The following CUL4A variants were observed in gnomAD, a reference collection of about 807,000 sequenced individuals.
CUL4A encodes cullin-4A.
A neutral mutation model predicts 95.5 loss-of-function variants in CUL4A; 16 were observed. That is an observed-to-expected ratio of 0.17 (90% CI 0.11 to 0.25). The LOEUF (loss-of-function observed/expected upper bound fraction) is 0.25. CUL4A is among the 10% of genes least tolerant of loss of function. CUL4A has a pLI of 1.00. For missense variants in CUL4A, 610 were observed against 937.0 expected (o/e 0.65, Z 4.56); for synonymous variants, 380 against 353.1 (o/e 1.08, Z -0.85).
In CUL4A at chr13:113,230,807, GT is replaced by G. The variant is rs767392875; in HGVS notation, c.512+1290del. On this transcript the variant is annotated intron_variant, in intron 5 of 19. Coordinates refer to ENST00000375440, the MANE Select transcript of CUL4A (RefSeq NM_001008895.4). Reference sequence around the variant, plus strand: ...ATTTTTAGAGACAGGGTCTCACTCTGTTACCCAGGCTGGAGTGCAGTGGCAC... The same window carrying G: ...ATTTTTAGAGACAGGGTCTCACTCTGTACCCAGGCTGGAGTGCAGTGGCAC... Among the ~76,000 whole-genome samples the G allele has an allele frequency of 2.5e-3, 376 of 152,122 alleles. 3 individuals carry two copies. The highest frequency in any genetic ancestry group is 6.6e-3 in the Admixed American group (101 of 15,282).
At chr13:113,208,608 G>A (rs1391738774), upstream of CUL4A, 10 of 1,607,926 alleles carry the variant, frequency 6.2e-6, no homozygotes, top group Admixed American at 1.7e-5. Flanking sequence ...CCTGCTGCAG[G>A]TACTGGTTAA....
upstream of CUL4A, chr13:113,208,207 C>A: frequency 6.5e-7 from 1 of 1,542,390 alleles, no homozygotes; most frequent in South Asian, 1.2e-5. Context: ...ATCCCGCATC[C>A]TGCTGGGAAA....
At chr13:113,215,213 A>AT (rs1170942530) in intron 2 of CUL4A, among the ~76,000 whole-genome samples, 1 of 113,696 alleles carries the variant, frequency 8.8e-6, no homozygotes. Context: ...GTGTGGGAGT[A>AT]TGGAGGTCAC....
intron 19 of CUL4A, 129 bp from the exon 20 acceptor site, chr13:113,263,358 A>G (rs540963723): frequency 1.3e-5 from 5 of 387,932 alleles, no homozygotes; most frequent in Admixed American, 4.5e-5. Context: ...AATGATTTTC[A>G]TATAAATATC....
intron 3 of CUL4A, chr13:113,219,462 C>T (rs990005001): frequency 6.2e-6 from 1 of 160,746 alleles, no homozygotes; most frequent in African/African-American, 2.4e-5. Context: ...TGCTCAGTCT[C>T]ACGGGCAGAG....
In CUL4A at chr13:113,247,685, A is replaced by T. The variant is rs561787926; in HGVS notation, c.1638+1622A>T. 1.4e-4 allele frequency among the ~76,000 whole-genome samples: 22 copies of T among 152,300 alleles called. No homozygotes were observed. In the South Asian group the frequency reaches 3.7e-3, roughly 26 times the overall value. On this transcript the variant is annotated intron_variant, in intron 15 of 19. Coordinates refer to ENST00000375440, the MANE Select transcript of CUL4A (RefSeq NM_001008895.4). ...GCCAGACTTAGAGAACATGTGCGGG[A>T]TGCTCAAAGAAAGCCAGGCAGCCTG...
At chr13:113,247,731 G>A (rs2041892477) in intron 15 of CUL4A, among the ~76,000 whole-genome samples, 1 of 152,214 alleles carries the variant, frequency 6.6e-6, no homozygotes, top group Non-Finnish European at 1.5e-5. Context: ...TGGCCACGTG[G>A]TGCTGTCCCT....
At chr13:113,240,845 C>T (rs190082554) in intron 10 of CUL4A, among the ~76,000 whole-genome samples, 81 of 152,156 alleles carry the variant, frequency 5.3e-4, no homozygotes, top group Middle Eastern at 6.8e-3. Flanking sequence ...AAGACGGGTG[C>T]GCTGCCATGT....
chr13:113,240,890 G>A (rs946906331), intron 10 of CUL4A, among the ~76,000 whole-genome samples: 4 of 152,154 alleles, frequency 2.6e-5, no homozygotes, highest in Admixed American at 6.5e-5. Flanking sequence ...GTGTAGTTTC[G>A]CAAACCGTTG....
intron 3 of CUL4A, among the ~76,000 whole-genome samples, chr13:113,222,912 T>C (rs1444176355): frequency 1.3e-5 from 2 of 151,714 alleles, no homozygotes; most frequent in Non-Finnish European, 1.5e-5. Flanking sequence ...AAAAAGAAAA[T>C]GAGCAGAGCC....
At position 113,241,992 on chromosome 13, in the gene CUL4A, A is replaced by G. The variant is rs1279216045; in HGVS notation, c.1036-976A>G. Among the ~76,000 whole-genome samples the G allele has an allele frequency of 2.6e-5, 4 of 151,710 alleles. No homozygotes were observed. In the East Asian group the frequency reaches 7.8e-4, roughly 30 times the overall value. On this transcript the variant is annotated intron_variant, in intron 10 of 19. Coordinates refer to ENST00000375440, the MANE Select transcript of CUL4A (RefSeq NM_001008895.4). ...TTATTAGTGCCCTACACAGACTTTT[A>G]GGAATGTTTAATATAACAGTTTTAA...
intron 15 of CUL4A, among the ~76,000 whole-genome samples, chr13:113,248,526 G>A (rs973596177): frequency 2.0e-5 from 3 of 151,996 alleles, no homozygotes; most frequent in Non-Finnish European, 2.9e-5. Flanking sequence ...TTACCATACT[G>A]TATTTTTTTA....
intron 3 of CUL4A, among the ~76,000 whole-genome samples, chr13:113,224,074 A>G (rs533902945): frequency 3.9e-4 from 59 of 152,262 alleles, no homozygotes; most frequent in Middle Eastern, 3.4e-3. Flanking sequence ...TCAAGCCCGC[A>G]GAGTGCGGTG....
chr13:113,213,488 C>CAA (rs10660319), intron 2 of CUL4A, among the ~76,000 whole-genome samples: 140,270 of 152,174 alleles, frequency 0.92, 65,703 homozygotes, highest in East Asian at 1. Flanking sequence ...TGACTAGAAA[C>CAA]GAGTCCCACC....
chr13:113,260,405 C>T (rs1269266903), intron 18 of CUL4A, among the ~76,000 whole-genome samples: 1 of 151,226 alleles, frequency 6.6e-6, no homozygotes, highest in Non-Finnish European at 1.5e-5. Context: ...CAAAAAGTAG[C>T]CGGGCATGAC....
chr13:113,244,252 C>T (rs2041798920), intron 11 of CUL4A, 158 bp from the exon 12 acceptor site: 4 of 594,334 alleles, frequency 6.7e-6, no homozygotes, highest in Non-Finnish European at 1.2e-5. Flanking sequence ...TCTCACTTGA[C>T]TTGAGAAGTA....
At position 113,260,211 on chromosome 13, in the gene CUL4A, A is replaced by AAAAAACAAACAAAAAAAAAAC. The variant is rs1555307262; in HGVS notation, c.2032-391_2032-390insCAAACAAAAAAAAAACAAAAA. ...AGAGTGAGACTCCGTCTCAAAAAAA[A>AAAAAACAAACAAAAAAAAAAC]AAAAAAAACCATTTCCCATCAAATT... On this transcript the variant is annotated intron_variant, in intron 18 of 19. Coordinates refer to ENST00000375440, the MANE Select transcript of CUL4A (RefSeq NM_001008895.4). Among the ~76,000 whole-genome samples, 4 of 119,526 alleles carry AAAAAACAAACAAAAAAAAAAC rather than the reference A, an allele frequency of 3.3e-5. 1 individual carries two copies. The highest frequency in any genetic ancestry group is 1.4e-4 in the African/African-American group (4 of 27,714). 78.4% of individuals were successfully genotyped at this position (119,526 alleles called of 152,430 possible). A position where few individuals can be genotyped will look rare whatever the true frequency, so the allele number is the denominator to read the frequency against.
intron 11 of CUL4A, among the ~76,000 whole-genome samples, chr13:113,243,542 T>G (rs1199143370): frequency 6.6e-6 from 1 of 152,096 alleles, no homozygotes; most frequent in East Asian, 1.9e-4. Flanking sequence ...TTCACAATAA[T>G]ATCAAAATAT....
At chr13:113,236,460 A>G (rs2041547577) in intron 8 of CUL4A, among the ~76,000 whole-genome samples, 1 of 152,196 alleles carries the variant, frequency 6.6e-6, no homozygotes, top group Non-Finnish European at 1.5e-5. Context: ...CAGAAGGCGG[A>G]ATGTCGGCTC....
Sources: allele counts gnomAD v4.1 joint callset (sites outside exome capture counted in the v4.1 genomes callset), GRCh38; gene constraint gnomAD v4.1.1; transcripts MANE v1.5; gene names NCBI Gene and HGNC (gene_info 2026-07-23, HGNC 2026-07-21).